The following APOL6 variants were observed in gnomAD, a reference collection of about 807,000 sequenced individuals.
The protein encoded by APOL6 is apolipoprotein L6.
In APOL6, 1 loss-of-function variant was observed where a neutral mutation model predicts 2.4. The observed-to-expected ratio is 0.41, with a 90% CI of 0.15 to 1.94. The LOEUF is 1.94. Among genes scored for constraint, APOL6 ranks in the 30% most tolerant of loss-of-function variants. The pLI is 0.30. For synonymous variants in APOL6, 189 were observed against 169.3 expected (o/e 1.12, Z -0.90); for missense variants, 438 against 429.2 (o/e 1.02, Z -0.18).
Position 35,665,519 on chromosome 22 carries a change from G to C in APOL6, c.*5923G>C, listed in dbSNP as rs1357452013. The C allele has an allele frequency of 1.3e-5, 2 of 152,200 alleles. No homozygotes were observed. Among genetic ancestry groups the C allele is most frequent in the Non-Finnish European group, 2.9e-5 (2 of 68,042 alleles). The allele number at this position is 152,200 out of a possible 1,614,324, so 9.4% of individuals were successfully genotyped here. On this transcript the variant is annotated 3_prime_UTR_variant, in exon 3 of 3. Transcript: ENST00000409652. Reference sequence around the variant, plus strand: ...GTTTCTCTATGAACTAATCATTCAAGTCAAAGGCACACTGATGCAAAATCA... The same window carrying C: ...GTTTCTCTATGAACTAATCATTCAACTCAAAGGCACACTGATGCAAAATCA...
chr22:35,658,978 C>T lies in APOL6; in HGVS notation c.414C>T (p.Ala138=). ...GTLERSKNKE[A]QARAEDILPT... is the part of the protein sequence containing the mutation. ...TGGAACGCTCCAAAAATAAAGAAGC[C>T]CAAGCACGGGCGGAAGACATACTGC... The change falls in exon 3 of 3, where the codon GCC becomes GCT. Residue 138 remains alanine (A), a synonymous_variant. Coordinates refer to ENST00000409652, the MANE Select transcript of APOL6 (RefSeq NM_030641.4). 1 of 1,613,860 alleles carries T rather than the reference C, an allele frequency of 6.2e-7. No homozygotes were observed. The highest frequency in any genetic ancestry group is 8.5e-7 in the Non-Finnish European group (1 of 1,180,026).
rs1384931698 is a variant in APOL6, at chr22:35,664,805, T to C, written c.*5209T>C. On this transcript the variant is annotated 3_prime_UTR_variant, in exon 3 of 3. Transcript: ENST00000409652. ...TTGCTTAAAAAAAAGTGTGTCCTTT[T>C]TTAAAAAAATGGTGAACAAGTTTTG... is the stretch of plus-strand genomic sequence containing the variant. 1 of 151,906 alleles carries C rather than the reference T, an allele frequency of 6.6e-6. No individual in the cohort carries two copies. Among genetic ancestry groups the C allele is most frequent in the Admixed American group, 6.6e-5 (1 of 15,244 alleles). The allele number at this position is 151,906 out of a possible 1,614,324, so 9.4% of individuals were successfully genotyped here.
At chr22:35,656,197 GT>G (rs1181710612) in intron 1 of APOL6, among the ~76,000 whole-genome samples, 181 bp from the exon 2 acceptor site, 2 of 152,140 alleles carry the variant, frequency 1.3e-5, no homozygotes, top group African/African-American at 4.8e-5. Context: ...CTATTTCACT[GT>G]ATGCATTTAT....
In APOL6 at chr22:35,656,541, C is replaced by G. The variant is rs139103148; in HGVS notation, c.50+66C>G. On this transcript the variant is annotated intron_variant, in intron 2 of 2. Transcript: ENST00000409652. Reference sequence around the variant, plus strand: ...TGTTGAAATGCTGCAGGCATCCTCACGATAAGGAATACATGTGCTCTGATA... The same window carrying G: ...TGTTGAAATGCTGCAGGCATCCTCAGGATAAGGAATACATGTGCTCTGATA... 1.4e-4 allele frequency: 218 copies of G among 1,571,370 alleles called. 1 individual carries two copies. The Admixed American group carries it at 2.5e-3, about 18-fold the overall frequency.
At chr22:35,650,800 C>A (rs60545344) in intron 1 of APOL6, among the ~76,000 whole-genome samples, 1 of 151,800 alleles carries the variant, frequency 6.6e-6, no homozygotes, top group African/African-American at 2.4e-5. Flanking sequence ...TGTGTTAGTA[C>A]GTGCCTGTAA....
intron 1 of APOL6, among the ~76,000 whole-genome samples, chr22:35,651,807 T>C (rs2145953193): frequency 6.6e-6 from 1 of 152,366 alleles, no homozygotes; most frequent in Non-Finnish European, 1.5e-5. Context: ...TTGTTGGACA[T>C]TTGGCTTGGT....
chr22:35,653,121 T>A (rs1319468307), intron 1 of APOL6, among the ~76,000 whole-genome samples: 23 of 151,110 alleles, frequency 1.5e-4, no homozygotes, highest in East Asian at 5.8e-4. Flanking sequence ...ACATCCCTTG[T>A]AAGTTGGATT....
Position 35,659,726 on chromosome 22 carries a change from G to T in APOL6, c.*130G>T. 7.4e-7 allele frequency: 1 copy of T among 1,347,158 alleles called. No individual in the cohort carries two copies. The highest frequency in any genetic ancestry group is 1.5e-5 in the African/African-American group (1 of 68,030). The allele number at this position is 1,347,158 out of a possible 1,614,324, so 83.5% of individuals were successfully genotyped here. On this transcript the variant is annotated 3_prime_UTR_variant, in exon 3 of 3. Coordinates refer to ENST00000409652, the MANE Select transcript of APOL6 (RefSeq NM_030641.4). ...TGTTTCTCCTTCAATGCTCCTTAAG[G>T]CCTATGTGCTGGGAAAAGGGTCTTC...
chr22:35,654,118 T>C (rs1878333207), intron 1 of APOL6, among the ~76,000 whole-genome samples: 1 of 152,176 alleles, frequency 6.6e-6, no homozygotes, highest in African/African-American at 2.4e-5. Context: ...TCCCATGCCC[T>C]CTCTGGGCAC....
chr22:35,657,334 A>G (rs1924872879), intron 2 of APOL6, among the ~76,000 whole-genome samples: 1 of 152,146 alleles, frequency 6.6e-6, no homozygotes, highest in Non-Finnish European at 1.5e-5. Context: ...TGCTCTGTTA[A>G]CTGATTTACA....
rs763724484 is a variant in APOL6 at position 35,658,746 on chromosome 22, G to A, written c.182G>A (p.Arg61His). ...EDLKGNIDKL[R>H]ALADDIDKTH... Reference sequence around the variant, plus strand: ...CTGAAAGGGAACATTGACAAGCTCCGTGCCCTCGCAGACGATATTGACAAA... The same window carrying A: ...CTGAAAGGGAACATTGACAAGCTCCATGCCCTCGCAGACGATATTGACAAA... Residue 61 changes from arginine to histidine, a missense_variant, in exon 3 of 3, where the codon CGT becomes CAT. Coordinates refer to ENST00000409652, the MANE Select transcript of APOL6 (RefSeq NM_030641.4). The A allele has an allele frequency of 1.7e-5, 28 of 1,614,030 alleles. No homozygotes were observed. The highest frequency in any genetic ancestry group is 8.0e-5 in the African/African-American group (6 of 74,912).
intron 1 of APOL6, among the ~76,000 whole-genome samples, chr22:35,650,889 C>A (rs1190092613): frequency 6.6e-6 from 1 of 151,266 alleles, no homozygotes; most frequent in Non-Finnish European, 1.5e-5. Context: ...AAGATCATGC[C>A]ATTGTACTCC....
In APOL6 at chr22:35,649,576, C is replaced by T. The variant is rs192275987; in HGVS notation, c.-48+953C>T. 4.0e-3 allele frequency among the ~76,000 whole-genome samples: 611 copies of T among 151,832 alleles called. 2 individuals carry two copies. Among genetic ancestry groups the T allele is most frequent in the Non-Finnish European group, 6.7e-3 (454 of 67,942 alleles). ...GGTAAGGAAAGACTGTCATAAATAT[C>T]CTGTAAGCTTTCAAATGAAAGTAAG... On this transcript the variant is annotated intron_variant, in intron 1 of 2. Transcript: ENST00000409652.
Position 35,659,414 on chromosome 22 carries a change from G to A in APOL6, c.850G>A (p.Glu284Lys). The change falls in exon 3 of 3, where the codon GAA (glutamate) becomes AAA (lysine). Residue 284 changes from glutamate to lysine, a missense_variant. Coordinates refer to ENST00000409652, the MANE Select transcript of APOL6 (RefSeq NM_030641.4). ...KALELERKLT[E>K]LTQLYKSLQQ... ...CTTGGAGCTGGAGAGGAAACTCACA[G>A]AACTCACCCAGCTCTACAAGAGCTT... The A allele has an allele frequency of 1.2e-6, 2 of 1,614,052 alleles. No individual in the cohort carries two copies. The highest frequency in any genetic ancestry group is 8.5e-7 in the Non-Finnish European group (1 of 1,180,012).
At chr22:35,653,025 A>G (rs1192279154) in intron 1 of APOL6, among the ~76,000 whole-genome samples, 2 of 151,712 alleles carry the variant, frequency 1.3e-5, no homozygotes, top group Non-Finnish European at 2.9e-5. Flanking sequence ...CTTCCTACCC[A>G]TGAGCATGGA....
At chr22:35,653,815 T>C (rs1430068391) in intron 1 of APOL6, among the ~76,000 whole-genome samples, 1 of 152,214 alleles carries the variant, frequency 6.6e-6, no homozygotes, top group Non-Finnish European at 1.5e-5. Context: ...ACTATCTCCT[T>C]GGAGATACTA....
intron 1 of APOL6, 71 bp from the exon 2 acceptor site, chr22:35,656,308 C>A: frequency 8.5e-7 from 1 of 1,182,118 alleles, no homozygotes; most frequent in Non-Finnish European, 1.3e-6. Flanking sequence ...AATCCAAAAT[C>A]CCTCCACACC....
chr22:35,666,748 T>A lies in APOL6; in HGVS notation c.*7152T>A, dbSNP rs1001831892. 6.6e-6 allele frequency: 1 copy of A among 152,214 alleles called. No individual in the cohort carries two copies. Among genetic ancestry groups the A allele is most frequent in the Non-Finnish European group, 1.5e-5 (1 of 68,040 alleles). 9.4% of individuals were successfully genotyped at this position (152,214 alleles called of 1,614,324 possible). On this transcript the variant is annotated 3_prime_UTR_variant, in exon 3 of 3. Coordinates refer to ENST00000409652, the MANE Select transcript of APOL6 (RefSeq NM_030641.4). ...AGTATCAAGCAGAACAGGAATTAAC[T>A]GCATAGACTGAACCAATCTTTTTGA... is the stretch of plus-strand genomic sequence containing the variant.
chr22:35,652,248 T>C (rs1286528869), intron 1 of APOL6, among the ~76,000 whole-genome samples: 1 of 121,454 alleles, frequency 8.2e-6, no homozygotes, highest in Non-Finnish European at 1.7e-5. Context: ...TGGAGTTGTT[T>C]GTTTTTTTCT....
Sources: allele counts gnomAD v4.1 joint callset (sites outside exome capture counted in the v4.1 genomes callset), GRCh38; gene constraint gnomAD v4.1.1; transcripts MANE v1.5; gene names NCBI Gene and HGNC (gene_info 2026-07-23, HGNC 2026-07-21).